Variants in CSTPP1 observed in about 807,000 individuals in gnomAD.
The protein encoded by CSTPP1 is UPF0705 protein C11orf49.
the CSTPP1 span, among the ~76,000 whole-genome samples, chr11:46,994,851 G>C: frequency 2.0e-5 from 3 of 152,304 alleles, no homozygotes; most frequent in South Asian, 6.2e-4. Flanking sequence ...AGAAGGAATA[G>C]TACCAGCTCC....
At chr11:47,105,695 A>G in the CSTPP1 span, among the ~76,000 whole-genome samples, 1 of 152,196 alleles carries the variant, frequency 6.6e-6, no homozygotes, top group Non-Finnish European at 1.5e-5. Flanking sequence ...AAGATCACAC[A>G]TCAGCAAGTG....
At chr11:47,012,476 A>G in the CSTPP1 span, among the ~76,000 whole-genome samples, 3 of 152,178 alleles carry the variant, frequency 2.0e-5, no homozygotes. Flanking sequence ...TACAACCTGT[A>G]GCTGTATAGG....
the CSTPP1 span, among the ~76,000 whole-genome samples, chr11:47,107,227 T>C: frequency 1.3e-5 from 2 of 152,230 alleles, no homozygotes; most frequent in Admixed American, 6.5e-5. Flanking sequence ...AGCATGTTCC[T>C]TGAATCAAAG....
chr11:47,112,705 C>T, the CSTPP1 span, among the ~76,000 whole-genome samples: 1 of 152,112 alleles, frequency 6.6e-6, no homozygotes, highest in African/African-American at 2.4e-5. Flanking sequence ...TTGTCTATTT[C>T]TTCTCTAATG....
the CSTPP1 span, among the ~76,000 whole-genome samples, chr11:47,107,213 C>G: frequency 6.6e-6 from 1 of 152,198 alleles, no homozygotes; most frequent in Non-Finnish European, 1.5e-5. Context: ...GCTGTTTATT[C>G]TTCAGCATGT....
At chr11:46,997,558 T>G in the CSTPP1 span, among the ~76,000 whole-genome samples, 1 of 152,244 alleles carries the variant, frequency 6.6e-6, no homozygotes, top group Non-Finnish European at 1.5e-5. Context: ...CCTTCTTCTC[T>G]CAACTCGTCA....
At chr11:46,988,059 A>G in the CSTPP1 span, among the ~76,000 whole-genome samples, 1 of 152,236 alleles carries the variant, frequency 6.6e-6, no homozygotes, top group Non-Finnish European at 1.5e-5. Flanking sequence ...AAGACAGGCA[A>G]TAACAAATGC....
the CSTPP1 span, among the ~76,000 whole-genome samples, chr11:47,101,427 A>C: frequency 6.6e-6 from 1 of 151,636 alleles, no homozygotes; most frequent in Admixed American, 6.6e-5. Flanking sequence ...TCAAGTATGG[A>C]TAGTTTTAAG....
At chr11:46,944,333 A>G in the CSTPP1 span, among the ~76,000 whole-genome samples, 1 of 152,026 alleles carries the variant, frequency 6.6e-6, no homozygotes, top group African/African-American at 2.4e-5. Flanking sequence ...AAAAAAAAAA[A>G]AAATTGTGCT....
At chr11:47,126,866 G>C in the CSTPP1 span, among the ~76,000 whole-genome samples, 3 of 146,792 alleles carry the variant, frequency 2.0e-5, no homozygotes, top group Admixed American at 1.4e-4. Context: ...CCAGGAGGTG[G>C]AGGTTGCAGT....
At chr11:46,986,552 C>A in the CSTPP1 span, among the ~76,000 whole-genome samples, 1 of 151,914 alleles carries the variant, frequency 6.6e-6, no homozygotes, top group South Asian at 2.1e-4. Context: ...CTCCACCTCC[C>A]AGGTTCAAGC....
the CSTPP1 span, among the ~76,000 whole-genome samples, chr11:47,024,111 G>T: frequency 6.6e-6 from 1 of 151,618 alleles, no homozygotes. Flanking sequence ...TGGAGTGCTG[G>T]AATGCAGTGG....
At chr11:47,137,530 G>T in the CSTPP1 span, 1 of 1,560,488 alleles carries the variant, frequency 6.4e-7, no homozygotes, top group Non-Finnish European at 8.7e-7. Flanking sequence ...ACACTGACTT[G>T]CTTTTAAAAG....
chr11:47,133,842 G>C, the CSTPP1 span, among the ~76,000 whole-genome samples: 2 of 152,192 alleles, frequency 1.3e-5, no homozygotes, highest in African/African-American at 4.8e-5. Context: ...CACAATCTGA[G>C]TTTTTGTGTC....
chr11:47,018,213 G>A, the CSTPP1 span, among the ~76,000 whole-genome samples: 1 of 149,800 alleles, frequency 6.7e-6, no homozygotes, highest in African/African-American at 2.5e-5. Context: ...ATTTCTGTGT[G>A]AACATACATT....
chr11:47,087,261 G>A, the CSTPP1 span, among the ~76,000 whole-genome samples: 149,617 of 152,296 alleles, frequency 0.98, 73,551 homozygotes, highest in Middle Eastern at 1. Flanking sequence ...AAAAAGAAAT[G>A]GTATAATACA....
the CSTPP1 span, among the ~76,000 whole-genome samples, chr11:47,016,842 T>C: frequency 1.2e-4 from 17 of 136,562 alleles, no homozygotes; most frequent in Non-Finnish European, 2.5e-4. Flanking sequence ...TTTAGTACTT[T>C]TTTTTTTTTT....
the CSTPP1 span, among the ~76,000 whole-genome samples, chr11:46,950,892 G>T: frequency 6.6e-6 from 1 of 152,122 alleles, no homozygotes; most frequent in Non-Finnish European, 1.5e-5. Context: ...CTCCCAAAAT[G>T]CTGGGATTAC....
chr11:47,155,366 C>CCAAAGGAAGTGGGGAAG, the CSTPP1 span: 1 of 1,019,552 alleles, frequency 9.8e-7, no homozygotes, highest in Non-Finnish European at 1.5e-6. Context: ...TTCTCTTCCC[C>CCAAAGGAAGTGGGGAAG]ACTTCCTTTG....
Sources: allele counts gnomAD v4.1 joint callset (sites outside exome capture counted in the v4.1 genomes callset), GRCh38; gene constraint gnomAD v4.1.1; transcripts MANE v1.5; gene names NCBI Gene and HGNC (gene_info 2026-07-23, HGNC 2026-07-21).